The following CCDC63 variants were observed in gnomAD, a reference collection of about 807,000 sequenced individuals.
CCDC63 encodes the protein coiled-coil domain containing 63, also known as coiled-coil domain-containing protein 63.
In CCDC63, 54 loss-of-function variants were observed where a neutral mutation model predicts 63.6. That is an observed-to-expected ratio of 0.85 (90% confidence interval 0.68 to 1.07). The LOEUF (loss-of-function observed/expected upper bound fraction) is 1.07, where lower values mean the gene tolerates loss of function less well. CCDC63 is among the 50% of genes least tolerant of loss of function. The probability of loss-of-function intolerance (pLI) is 0.00; values close to 1 mark genes in which losing one functional copy is unlikely to be tolerated. For synonymous variants in CCDC63, 253 were observed against 266.1 expected, an observed-to-expected ratio of 0.95 and a Z score of 0.48; for missense variants, 637 against 689.6, an observed-to-expected ratio of 0.92 and a Z score of 0.86.
rs1376135558 is a variant in CCDC63, at chr12:110,877,569, C to T, written c.490-2337C>T. On this transcript the variant is annotated intron_variant, in intron 5 of 11. Coordinates refer to ENST00000308208, the MANE Select transcript of CCDC63 (RefSeq NM_152591.3). ...GGAGTCCTGATGTTGTACCTTAGGG[C>T]TCTAGACTTGCTCATTCTCCATATC... 2.0e-5 allele frequency among the ~76,000 whole-genome samples: 3 copies of T among 151,910 alleles called. No individual in the cohort carries two copies. In the East Asian group the frequency reaches 5.8e-4, roughly 30 times the overall value.
chr12:110,853,312 C>A, intron 2 of CCDC63, 93 bp from the exon 3 acceptor site: 1 of 1,280,370 alleles, frequency 7.8e-7, no homozygotes, highest in Non-Finnish European at 1.1e-6. Flanking sequence ...CATGGCCCAG[C>A]CACCCCCACT....
rs185181361 is a variant in CCDC63, at chr12:110,852,994, A to C, written c.9+31A>C. The C allele has an allele frequency of 1.3e-4, 212 of 1,611,864 alleles. 2 individuals are homozygous for C. In the African/African-American group the frequency reaches 2.3e-3, roughly 17 times the overall value. Reference sequence around the variant, plus strand: ...TGATGCCAGCTCCCAGCCACAGAGCACCTACTATGGGGTCAGGCACTGTGC... The same window carrying C: ...TGATGCCAGCTCCCAGCCACAGAGCCCCTACTATGGGGTCAGGCACTGTGC... On this transcript the variant is annotated intron_variant, in intron 2 of 11. Coordinates refer to ENST00000308208, the MANE Select transcript of CCDC63 (RefSeq NM_152591.3).
intron 10 of CCDC63, among the ~76,000 whole-genome samples, chr12:110,902,884 A>AT (rs71083163): frequency 0.32 from 42,757 of 135,402 alleles, 6,527 homozygotes; most frequent in Middle Eastern, 0.37. Flanking sequence ...CGCCCGGCTA[A>AT]TTTTTTTTTT....
At chr12:110,871,671 C>G (rs909912560) in intron 4 of CCDC63, among the ~76,000 whole-genome samples, 11 of 151,490 alleles carry the variant, frequency 7.3e-5, no homozygotes, top group Non-Finnish European at 1.3e-4. Flanking sequence ...ATGAGGTGCA[C>G]GCGTCTTAAG....
intron 8 of CCDC63, among the ~76,000 whole-genome samples, chr12:110,888,543 T>C (rs1385773019): frequency 6.6e-6 from 1 of 152,200 alleles, no homozygotes; most frequent in Non-Finnish European, 1.5e-5. Flanking sequence ...GAACTATGAC[T>C]TTTTGGGCTC....
At chr12:110,881,584 T>C (rs1340402145) in intron 7 of CCDC63, among the ~76,000 whole-genome samples, 1 of 151,902 alleles carries the variant, frequency 6.6e-6, no homozygotes, top group Non-Finnish European at 1.5e-5. Flanking sequence ...TAGCTGGACA[T>C]AGTGGTGAGT....
intron 1 of CCDC63, among the ~76,000 whole-genome samples, chr12:110,851,029 GC>G (rs2070699024): frequency 6.6e-6 from 1 of 152,150 alleles, no homozygotes; most frequent in Non-Finnish European, 1.5e-5. Context: ...TTTGTCATAG[GC>G]AGGATTTATG....
chr12:110,865,464 CAA>C (rs10585238), intron 4 of CCDC63, among the ~76,000 whole-genome samples: 28,632 of 102,088 alleles, frequency 0.28, 2,424 homozygotes, highest in Admixed American at 0.33. Context: ...CAGCATATAC[CAA>C]AAAAAAAAAA....
intron 4 of CCDC63, among the ~76,000 whole-genome samples, chr12:110,868,160 T>C (rs1289286762): frequency 6.9e-6 from 1 of 145,968 alleles, no homozygotes; most frequent in African/African-American, 2.6e-5. Context: ...CGCTCCTCAC[T>C]TCCTAGATGT....
chr12:110,859,566 A>G lies in CCDC63; in HGVS notation c.369+791A>G, dbSNP rs11829582. Among the ~76,000 whole-genome samples, 734 of 152,240 alleles carry G rather than the reference A, an allele frequency of 4.8e-3. 9 individuals carry two copies. The highest frequency in any genetic ancestry group is 0.017 in the African/African-American group (719 of 41,534). ...AATGATCTTCCCGCCTCGGCCTCCC[A>G]AAATGCTGAGATTACGGGCGTGAGC... On this transcript the variant is annotated intron_variant, in intron 4 of 11. Coordinates refer to ENST00000308208, the MANE Select transcript of CCDC63 (RefSeq NM_152591.3).
At position 110,880,116 on chromosome 12, in the gene CCDC63, G is replaced by A. The variant is rs767920107; in HGVS notation, c.671+29G>A. 1.0e-5 allele frequency: 16 copies of A among 1,604,114 alleles called. No homozygotes were observed. In the East Asian group the frequency reaches 1.1e-4, roughly 11 times the overall value. On this transcript the variant is annotated intron_variant, in intron 6 of 11. Coordinates refer to ENST00000308208, the MANE Select transcript of CCDC63 (RefSeq NM_152591.3). ...GGCTGGGGATAGGTCCAGGGGCAGC[G>A]AGGTCTCTTAGCCCCTTGCTGAGCA... is the stretch of plus-strand genomic sequence containing the variant.
intron 10 of CCDC63, among the ~76,000 whole-genome samples, chr12:110,899,874 C>T (rs2071465275): frequency 2.6e-5 from 4 of 151,924 alleles, no homozygotes; most frequent in African/African-American, 9.7e-5. Flanking sequence ...CAAACTAGAA[C>T]TAGAAGGAAA....
Position 110,853,063 on chromosome 12 carries a change from C to T in CCDC63, c.9+100C>T, listed in dbSNP as rs2070726085. 5.9e-6 allele frequency: 8 copies of T among 1,345,084 alleles called. No individual in the cohort carries two copies. In the South Asian group the frequency reaches 9.6e-5, roughly 16 times the overall value. 83.3% of individuals were successfully genotyped at this position (1,345,084 alleles called of 1,614,324 possible). The stretch of plus-strand genomic sequence containing the variant: ...GCTCGTCTCATCCTGACAAACAGAT[C>T]TGTGCTCACCCATTTTGTAGGTGGG... On this transcript the variant is annotated intron_variant, in intron 2 of 11. Transcript: ENST00000308208.
intron 5 of CCDC63, among the ~76,000 whole-genome samples, chr12:110,874,553 C>T (rs1399438562): frequency 6.6e-6 from 1 of 152,246 alleles, no homozygotes; most frequent in Admixed American, 6.5e-5. Context: ...GATCCAGGTG[C>T]TCCATACATG....
chr12:110,867,316 C>T (rs2070974838), intron 4 of CCDC63, among the ~76,000 whole-genome samples: 1 of 104,088 alleles, frequency 9.6e-6, no homozygotes, highest in Non-Finnish European at 2.0e-5. Flanking sequence ...AGGCGCCCCT[C>T]ACCTCCCAGA....
chr12:110,892,262 T>C (rs915595702), intron 8 of CCDC63, among the ~76,000 whole-genome samples: 1 of 151,992 alleles, frequency 6.6e-6, no homozygotes, highest in African/African-American at 2.4e-5. Flanking sequence ...TTAAACAATA[T>C]CTAAAAATTA....
chr12:110,869,185 A>G (rs2071030108), intron 4 of CCDC63, among the ~76,000 whole-genome samples: 1 of 152,104 alleles, frequency 6.6e-6, no homozygotes. Flanking sequence ...AGGCTGACAA[A>G]CTTTATATTT....
intron 3 of CCDC63, among the ~76,000 whole-genome samples, chr12:110,858,028 C>T (rs528546150): frequency 6.6e-6 from 1 of 151,910 alleles, no homozygotes; most frequent in East Asian, 1.9e-4. Context: ...ATCGCTTGAA[C>T]CTGGAAAGTG....
intron 11 of CCDC63, among the ~76,000 whole-genome samples, chr12:110,905,595 AG>A (rs1314199968): frequency 6.6e-6 from 1 of 151,878 alleles, no homozygotes; most frequent in African/African-American, 2.4e-5. Context: ...TGGTTAAATA[AG>A]GTCCAGCTCA....
Sources: gnomAD v4.1 joint callset for allele counts (sites outside exome capture counted in the v4.1 genomes callset) on GRCh38, gnomAD v4.1.1 for gene constraint, MANE v1.5 for transcripts, NCBI Gene and HGNC (gene_info 2026-07-23, HGNC 2026-07-21) for gene names.